SLC1A6: variants seen among roughly 807,000 people sequenced by gnomAD.
SLC1A6 encodes solute carrier family 1 member 6.
A neutral mutation model predicts 42.1 loss-of-function variants in SLC1A6; 15 were observed. The ratio of observed to expected loss-of-function variants is 0.36; its 90% CI spans 0.24 to 0.55. The LOEUF (loss-of-function observed/expected upper bound fraction) is 0.55, where lower values mean the gene tolerates loss of function less well. SLC1A6 is among the 20% of genes least tolerant of loss of function. The pLI is 0.88. For missense variants in SLC1A6, 542 were observed against 772.5 expected (o/e 0.70, Z 3.54); for synonymous variants, 317 against 319.7 (o/e 0.99, Z 0.09).
intron 1 of SLC1A6, among the ~76,000 whole-genome samples, chr19:14,988,043 C>CA (rs2045801565): frequency 6.6e-6 from 1 of 152,096 alleles, no homozygotes; most frequent in Non-Finnish European, 1.5e-5. Context: ...CGTGGTGGTG[C>CA]ACACCTGTAA....
At chr19:15,004,105 A>G (rs1166238131) in intron 1 of SLC1A6, among the ~76,000 whole-genome samples, 1 of 152,074 alleles carries the variant, frequency 6.6e-6, no homozygotes, top group Non-Finnish European at 1.5e-5. Flanking sequence ...GCAGTGAGCC[A>G]AGATCACACC....
intron 1 of SLC1A6, among the ~76,000 whole-genome samples, chr19:14,987,243 C>T (rs376800022): frequency 1.4e-4 from 21 of 151,950 alleles, no homozygotes; most frequent in African/African-American, 2.9e-4. Flanking sequence ...CCGAGGTGAG[C>T]GGATCATGAG....
At chr19:14,996,932 T>G (rs1477575252) in intron 1 of SLC1A6, among the ~76,000 whole-genome samples, 1 of 152,120 alleles carries the variant, frequency 6.6e-6, no homozygotes, top group African/African-American at 2.4e-5. Context: ...TGGGCTCCCT[T>G]CCTTGGAGGA....
At chr19:14,966,880 C>A (rs2214602) in intron 4 of SLC1A6, among the ~76,000 whole-genome samples, 3 of 151,052 alleles carry the variant, frequency 2.0e-5, no homozygotes, top group Non-Finnish European at 2.9e-5. Flanking sequence ...CTTTTGGGGG[C>A]TGTGGGGGCA....
chr19:15,004,142 C>A (rs1356178158), intron 1 of SLC1A6, among the ~76,000 whole-genome samples: 5 of 151,916 alleles, frequency 3.3e-5, no homozygotes, highest in Non-Finnish European at 1.5e-5. Context: ...AGCAACAGAG[C>A]AAGACTCTGT....
At chr19:14,969,084 C>T (rs1481240429) in intron 3 of SLC1A6, among the ~76,000 whole-genome samples, 3 of 152,194 alleles carry the variant, frequency 2.0e-5, no homozygotes, top group African/African-American at 7.2e-5. Flanking sequence ...AGACGATCCA[C>T]TCACCTCAGC....
chr19:14,952,344 C>T (rs2045421297), intron 9 of SLC1A6, among the ~76,000 whole-genome samples: 1 of 151,140 alleles, frequency 6.6e-6, no homozygotes, highest in African/African-American at 2.4e-5. Flanking sequence ...GTCAGGAGAT[C>T]GAGACCATCC....
chr19:14,950,884 G>A (rs1031714439), intron 9 of SLC1A6, among the ~76,000 whole-genome samples: 4 of 151,492 alleles, frequency 2.6e-5, no homozygotes, highest in Non-Finnish European at 5.9e-5. Flanking sequence ...CGTCAAGGCT[G>A]CAGTGAGCTA....
At chr19:14,973,143 G>A (rs2045664844) in intron 1 of SLC1A6, 2 of 539,696 alleles carry the variant, frequency 3.7e-6, no homozygotes, top group Non-Finnish European at 6.5e-6. Flanking sequence ...GCTAGGGGTG[G>A]TAGTCCTAAA....
At position 15,009,691 on chromosome 19, in the gene SLC1A6, G is replaced by GC. The variant is rs2045915306; in HGVS notation, c.6+793dup. Among the ~76,000 whole-genome samples the GC allele has an allele frequency of 2.0e-5, 3 of 152,100 alleles. No homozygotes were observed. The South Asian group carries it at 6.2e-4, about 32-fold the overall frequency. On this transcript the variant is annotated intron_variant, in intron 1 of 8. Transcript: ENST00000430939. ...TATTTGGGTGATGATTGCACTAAAA[G>GC]CCTAGTCTTCACCACTAGAAAATAT...
At chr19:14,996,918 TCAGTGGGCTC>T (rs1355576638) in intron 1 of SLC1A6, among the ~76,000 whole-genome samples, 12 of 152,112 alleles carry the variant, frequency 7.9e-5, no homozygotes, top group Non-Finnish European at 1.3e-4. Context: ...TTTGTGGATA[TCAGTGGGCTC>T]CCTTCCTTGG....
rs56317513 is a variant in SLC1A6 at position 14,979,050 on chromosome 19, TCACACACACACACACACACACA to T, written c.-8+237_-8+258del. ...CAAATTCAGTCTCTCTCTCTCTCTG[TCACACACACACACACACACACA>T]CACACACACACACACACACACACAC... On this transcript the variant is annotated intron_variant, in intron 1 of 9. Coordinates refer to ENST00000594383, the MANE Select transcript of SLC1A6 (RefSeq NM_005071.3). This position sits in a 1 kb window ranked among gnomAD's most constrained non-coding sequence, Gnocchi z 4.2. Among the ~76,000 whole-genome samples, 2 of 131,298 alleles carry T rather than the reference TCACACACACACACACACACACA, an allele frequency of 1.5e-5. No individual in the cohort carries two copies. Among genetic ancestry groups the T allele is most frequent in the African/African-American group, 2.8e-5 (1 of 35,118 alleles). The allele number at this position is 131,298 out of a possible 152,430, so 86.1% of individuals were successfully genotyped here.
At chr19:15,001,682 A>G (rs763881705) in intron 1 of SLC1A6, among the ~76,000 whole-genome samples, 8 of 151,922 alleles carry the variant, frequency 5.3e-5, no homozygotes, top group Non-Finnish European at 1.0e-4. Flanking sequence ...TTTTCTTGAG[A>G]CAGGGTCTCA....
intron 6 of SLC1A6, among the ~76,000 whole-genome samples, chr19:14,958,516 A>G (rs1286287773): frequency 3.9e-5 from 6 of 152,182 alleles, no homozygotes; most frequent in Non-Finnish European, 7.3e-5. Flanking sequence ...TGAGTCAAAA[A>G]TGAGGATGCA....
At chr19:14,999,500 C>T (rs927072464) in intron 1 of SLC1A6, among the ~76,000 whole-genome samples, 4 of 152,218 alleles carry the variant, frequency 2.6e-5, no homozygotes, top group African/African-American at 9.6e-5. Flanking sequence ...AGACCTTGGG[C>T]ACATGTCATC....
intron 1 of SLC1A6, among the ~76,000 whole-genome samples, chr19:14,990,318 C>G (rs78118429): frequency 6.6e-6 from 1 of 152,068 alleles, no homozygotes; most frequent in East Asian, 1.9e-4. Flanking sequence ...GTGAAATAAG[C>G]CAGGCACTGA....
upstream of SLC1A6, among the ~76,000 whole-genome samples, chr19:14,981,511 C>T (rs117099779): frequency 2.2e-4 from 33 of 152,268 alleles, 1 homozygote; most frequent in East Asian, 4.6e-3. Context: ...TTCAGTCACT[C>T]ACTGTGCTTA....
At chr19:14,998,854 A>ATATTTATTTATT (rs1568301708) in intron 1 of SLC1A6, among the ~76,000 whole-genome samples, 7 of 99,330 alleles carry the variant, frequency 7.0e-5, no homozygotes, top group African/African-American at 3.0e-4. Context: ...CTGATAAGAA[A>ATATTTATTTATT]CATTTATTTA....
intron 1 of SLC1A6, among the ~76,000 whole-genome samples, chr19:14,992,634 G>C (rs1164277745): frequency 6.6e-6 from 1 of 151,496 alleles, no homozygotes; most frequent in Non-Finnish European, 1.5e-5. Context: ...CTCCATCTTG[G>C]GCTACAGAGC....
Sources: gnomAD v4.1 joint callset for allele counts (sites outside exome capture counted in the v4.1 genomes callset) on GRCh38, gnomAD v4.1.1 for gene constraint, Gnocchi (gnomAD v3.1) non-coding constraint, MANE v1.5 for transcripts, NCBI Gene and HGNC (gene_info 2026-07-23, HGNC 2026-07-21) for gene names.